TNN: variants seen among roughly 807,000 people sequenced by gnomAD.
TNN encodes tenascin N, also known as tenascin-N.
In TNN, 122 loss-of-function variants were observed where a neutral mutation model predicts 134.4. The observed-to-expected ratio is 0.91, with a 90% CI of 0.78 to 1.06. The LOEUF is 1.06. Ranked by LOEUF, TNN falls within the 50% of genes least tolerant of loss-of-function variation. TNN has a pLI of 0.00. For synonymous variants in TNN, 710 were observed against 670.3 expected (o/e 1.06, Z -0.91); for missense variants, 1,739 against 1,699.4 (o/e 1.02, Z -0.41).
Position 175,102,543 on chromosome 1 carries a change from G to A in TNN, c.2119+3948G>A, listed in dbSNP as rs950649017. On this transcript the variant is annotated intron_variant, in intron 9 of 18. Transcript: ENST00000239462. ...TACACCCTCCGCAGCTGCTGGCCCGGGTGCTAAGCCCCTCACTGCCCGGGG... is the reference window on the plus strand; with the variant it reads ...TACACCCTCCGCAGCTGCTGGCCCGAGTGCTAAGCCCCTCACTGCCCGGGG... Among the ~76,000 whole-genome samples, 25 of 145,968 alleles carry A rather than the reference G, an allele frequency of 1.7e-4. 6 individuals carry two copies.
In TNN at chr1:175,098,575, C is replaced by T. The variant is rs780527355; in HGVS notation, c.2099C>T (p.Ala700Val). ...AQKGDQESKK[A>V]DTKAQTDIDS... ...AAGGGGGACCAGGAGAGCAAGAAGG[C>T]CGACACCAAGGCCCAGACAGGTAAG... The change falls in exon 9 of 19, where the codon GCC becomes GTC. Residue 700 changes from alanine to valine, a missense_variant. Transcript: ENST00000239462. The T allele has an allele frequency of 1.9e-6, 3 of 1,614,114 alleles. No individual in the cohort carries two copies. Among genetic ancestry groups the T allele is most frequent in the Admixed American group, 1.7e-5 (1 of 60,020 alleles).
rs746046096 is a variant in TNN at position 175,098,506 on chromosome 1, G to T, written c.2030G>T (p.Gly677Val). The stretch of plus-strand genomic sequence containing the variant: ...GAGCAGAGCAGCACAGTCCTGACAG[G>T]CCTGAGACCGGGTATGGAGTACATG... ...GKEQSSTVLT[G>V]LRPGMEYMVH... Residue 677 changes from glycine (G) to valine (V), a missense_variant, in exon 9 of 19, where the codon GGC becomes GTC. Gly to Val is a moderately radical substitution (Grantham distance 109, BLOSUM62 -3). Coordinates refer to ENST00000239462, the MANE Select transcript of TNN (RefSeq NM_022093.2). 1 of 1,614,174 alleles carries T rather than the reference G, an allele frequency of 6.2e-7. No homozygotes were observed. The highest frequency in any genetic ancestry group is 1.1e-5 in the South Asian group (1 of 91,082).
intron 12 of TNN, among the ~76,000 whole-genome samples, chr1:175,125,148 A>G (rs1176683275): frequency 6.6e-6 from 1 of 152,228 alleles, no homozygotes; most frequent in Non-Finnish European, 1.5e-5. Flanking sequence ...AATCAAACCA[A>G]GTTGATATTA....
In TNN at chr1:175,080,169, C is replaced by T; in HGVS notation, c.791C>T (p.Thr264Ile). The T allele has an allele frequency of 6.2e-7, 1 of 1,613,794 alleles. No homozygotes were observed. Residue 264 changes from threonine (T) to isoleucine (I), a missense_variant, in exon 4 of 19, where the codon ACC (threonine) becomes ATC (isoleucine). Coordinates refer to ENST00000239462, the MANE Select transcript of TNN (RefSeq NM_022093.2). ...FTGLDCAQVV[T>I]PQGLQLLKNT... The stretch of plus-strand genomic sequence containing the variant: ...GTTCCTGTTCTGCCTGCAGTGGTCA[C>T]CCCACAGGGCCTGCAGCTGCTCAAG...
At chr1:175,141,126 C>T (rs949544834) in intron 17 of TNN, among the ~76,000 whole-genome samples, 1 of 152,160 alleles carries the variant, frequency 6.6e-6, no homozygotes, top group African/African-American at 2.4e-5. Flanking sequence ...ATCAGAAAGT[C>T]CATTTTCCCT....
At chr1:175,108,457 G>A (rs372459022) in intron 9 of TNN, among the ~76,000 whole-genome samples, 1 of 152,260 alleles carries the variant, frequency 6.6e-6, no homozygotes, top group Non-Finnish European at 1.5e-5. Context: ...CCATGAGCTC[G>A]TACTCGTCAG....
At chr1:175,127,892 C>T in intron 13 of TNN, 140 bp from the exon 14 acceptor site, 2 of 964,362 alleles carry the variant, frequency 2.1e-6, no homozygotes, top group East Asian at 2.5e-5. Context: ...TTCTGGGCTG[C>T]CACTGAGGCT....
intron 4 of TNN, 136 bp downstream of exon 4, chr1:175,080,562 G>C: frequency 1.8e-6 from 2 of 1,104,580 alleles, no homozygotes; most frequent in Non-Finnish European, 2.6e-6. Context: ...AGGTTCTGAA[G>C]AGTCCCAGTT....
chr1:175,079,717 G>C lies in TNN; in HGVS notation c.784+10G>C. On this transcript the variant is annotated intron_variant, in intron 3 of 18. Transcript: ENST00000239462. ...CTGGACTGTGCCCAGGGTGAGAGCG[G>C]AGATGTGCCCTCGGGCCGCCGGACT... is the stretch of plus-strand genomic sequence containing the variant. 1 of 1,572,286 alleles carries C rather than the reference G, an allele frequency of 6.4e-7. No homozygotes were observed. Among genetic ancestry groups the C allele is most frequent in the Non-Finnish European group, 8.6e-7 (1 of 1,156,476 alleles).
chr1:175,077,956 T>A, intron 2 of TNN, 129 bp downstream of exon 2: 1 of 943,846 alleles, frequency 1.1e-6, no homozygotes, highest in Non-Finnish European at 1.6e-6. Context: ...GGGTTTTCTC[T>A]AGGGGGCCCA....
chr1:175,099,159 C>G (rs184187505), intron 9 of TNN, among the ~76,000 whole-genome samples: 2 of 152,202 alleles, frequency 1.3e-5, no homozygotes, highest in African/African-American at 2.4e-5. Context: ...TCCTCTCTCT[C>G]GACTTGGGCC....
chr1:175,130,347 G>A (rs916073380), intron 15 of TNN, among the ~76,000 whole-genome samples: 2 of 152,194 alleles, frequency 1.3e-5, no homozygotes, highest in African/African-American at 4.8e-5. Context: ...GACATCTGAC[G>A]GTTGAAAGGC....
chr1:175,072,108 G>C (rs1337036293), intron 1 of TNN, among the ~76,000 whole-genome samples: 1 of 152,180 alleles, frequency 6.6e-6, no homozygotes, highest in African/African-American at 2.4e-5. Context: ...CAGAAGCATA[G>C]AGCCCTGCAA....
Position 175,101,910 on chromosome 1 carries a change from A to G in TNN, c.2119+3315A>G, listed in dbSNP as rs1468169684. The stretch of plus-strand genomic sequence containing the variant: ...TGTATTTACAAACCTTGAGCTAGAT[A>G]CAGAGTGCCGATTGATGTATTAACA... On this transcript the variant is annotated intron_variant, in intron 9 of 18. Transcript: ENST00000239462. 2.1e-5 allele frequency among the ~76,000 whole-genome samples: 3 copies of G among 144,458 alleles called. 1 individual carries two copies. Among genetic ancestry groups the G allele is most frequent in the African/African-American group, 2.5e-5 (1 of 40,176 alleles). The allele number at this position is 144,458 out of a possible 152,430, so 94.8% of individuals were successfully genotyped here.
At chr1:175,137,564 C>A (rs905631231) in intron 17 of TNN, among the ~76,000 whole-genome samples, 16 of 152,180 alleles carry the variant, frequency 1.1e-4, no homozygotes, top group African/African-American at 2.4e-5. Flanking sequence ...CTCATTGGAG[C>A]TAAGCCAGTT....
rs1013285367 is a variant in TNN, at chr1:175,134,854, G to A, written c.3331-991G>A. Among the ~76,000 whole-genome samples the A allele has an allele frequency of 1.1e-3, 96 of 89,238 alleles. No individual in the cohort carries two copies. The East Asian group carries it at 0.049, about 46-fold the overall frequency. The allele number at this position is 89,238 out of a possible 152,430, so 58.5% of individuals were successfully genotyped here. A position where few individuals can be genotyped will look rare whatever the true frequency, so the allele number is the denominator to read the frequency against. Reference sequence around the variant, plus strand: ...TCATCTCACTTCCACTCTTGCCCCTGACCAGTCCATTCCATACACTACAAG... The same window carrying A: ...TCATCTCACTTCCACTCTTGCCCCTAACCAGTCCATTCCATACACTACAAG... On this transcript the variant is annotated intron_variant, in intron 15 of 18. Coordinates refer to ENST00000239462, the MANE Select transcript of TNN (RefSeq NM_022093.2).
chr1:175,129,815 G>C (rs1470330924), intron 15 of TNN, among the ~76,000 whole-genome samples: 1 of 152,068 alleles, frequency 6.6e-6, no homozygotes, highest in African/African-American at 2.4e-5. Flanking sequence ...AGCCTGACTG[G>C]GGAGTTCAGA....
chr1:175,114,411 G>A (rs1389827519), intron 9 of TNN, among the ~76,000 whole-genome samples: 2 of 152,196 alleles, frequency 1.3e-5, no homozygotes, highest in African/African-American at 4.8e-5. Flanking sequence ...TGGTAGCAAG[G>A]GCTATTCTAT....
chr1:175,078,223 T>C lies in TNN; in HGVS notation c.409+396T>C, dbSNP rs114143202. Among the ~76,000 whole-genome samples the C allele has an allele frequency of 2.6e-3, 395 of 152,324 alleles. 3 individuals are homozygous for C. Among genetic ancestry groups the C allele is most frequent in the African/African-American group, 9.2e-3 (381 of 41,574 alleles). The stretch of plus-strand genomic sequence containing the variant: ...TCCCAGTTCTACCACTTTTTAGCTG[T>C]GTGACTTTGGGTAAATCCCTTATGT... On this transcript the variant is annotated intron_variant, in intron 2 of 18. Coordinates refer to ENST00000239462, the MANE Select transcript of TNN (RefSeq NM_022093.2).
Sources: gnomAD v4.1 joint callset for allele counts (sites outside exome capture counted in the v4.1 genomes callset) on GRCh38, gnomAD v4.1.1 for gene constraint, MANE v1.5 for transcripts, NCBI Gene and HGNC (gene_info 2026-07-23, HGNC 2026-07-21) for gene names.